Variants in MINDY3 observed in about 807,000 individuals in gnomAD.
MINDY3 encodes the protein MINDY lysine 48 deubiquitinase 3, also known as ubiquitin carboxyl-terminal hydrolase MINDY-3.
MINDY3 carries 38 observed loss-of-function variants against 69.2 expected under a neutral mutation model. That is an observed-to-expected ratio of 0.55 (90% CI 0.42 to 0.72). MINDY3 has a LOEUF of 0.72. MINDY3 is among the 30% of genes least tolerant of loss of function. The pLI, the probability that MINDY3 is intolerant of heterozygous loss-of-function variation, is 0.00. For missense variants in MINDY3, 522 were observed against 519.0 expected (o/e 1.01, Z -0.06); for synonymous variants, 192 against 180.1 (o/e 1.07, Z -0.53).
intron 10 of MINDY3, among the ~76,000 whole-genome samples, chr10:15,801,186 G>A (rs1838233801): frequency 6.6e-6 from 1 of 152,112 alleles, no homozygotes; most frequent in African/African-American, 2.4e-5. Flanking sequence ...GGCATGGGGG[G>A]GAAATGCCAT....
chr10:15,811,821 A>G (rs2131956769), intron 10 of MINDY3, among the ~76,000 whole-genome samples: 1 of 152,346 alleles, frequency 6.6e-6, no homozygotes, highest in East Asian at 1.9e-4. Flanking sequence ...TGTGTACAGA[A>G]CATATAAAAC....
intron 10 of MINDY3, among the ~76,000 whole-genome samples, chr10:15,798,467 T>TG (rs1376083717): frequency 8.6e-5 from 13 of 151,304 alleles, no homozygotes; most frequent in African/African-American, 2.4e-4. Flanking sequence ...GCCAAGTGTT[T>TG]TTTTTTTTTT....
chr10:15,843,043 A>G (rs1833590615), intron 3 of MINDY3, among the ~76,000 whole-genome samples, 169 bp downstream of exon 3: 1 of 151,962 alleles, frequency 6.6e-6, no homozygotes, highest in Admixed American at 6.6e-5. Context: ...CTGGTTAGAA[A>G]GCCAAATTTG....
At chr10:15,791,535 T>C (rs1837415001) in intron 11 of MINDY3, among the ~76,000 whole-genome samples, 1 of 151,854 alleles carries the variant, frequency 6.6e-6, no homozygotes, top group Non-Finnish European at 1.5e-5. Flanking sequence ...ATGGGGACTA[T>C]GAGGCAGGGC....
chr10:15,822,713 C>T (rs1206568777), intron 8 of MINDY3, among the ~76,000 whole-genome samples: 2 of 151,930 alleles, frequency 1.3e-5, no homozygotes, highest in Admixed American at 6.6e-5. Flanking sequence ...GGAAGTAAGG[C>T]TCAGGAATAC....
At chr10:15,821,588 C>T in intron 9 of MINDY3, 68 bp downstream of exon 9, 1 of 1,219,678 alleles carries the variant, frequency 8.2e-7, no homozygotes, top group Non-Finnish European at 1.2e-6. Context: ...GTCAGAGGAA[C>T]AAAACAGTAT....
At chr10:15,812,843 A>G (rs2131961402) in intron 10 of MINDY3, among the ~76,000 whole-genome samples, 1 of 152,306 alleles carries the variant, frequency 6.6e-6, no homozygotes, top group Non-Finnish European at 1.5e-5. Context: ...AGATCTAATC[A>G]TTAGCCACAC....
At chr10:15,837,008 T>C (rs1833129169) in intron 6 of MINDY3, among the ~76,000 whole-genome samples, 196 bp downstream of exon 6, 1 of 151,896 alleles carries the variant, frequency 6.6e-6, no homozygotes, top group Admixed American at 6.6e-5. Context: ...ATCTCTGTAG[T>C]CCAAAAGAGC....
intron 1 of MINDY3, among the ~76,000 whole-genome samples, chr10:15,849,864 A>G (rs1331142962): frequency 1.3e-5 from 2 of 152,168 alleles, no homozygotes; most frequent in Admixed American, 6.5e-5. Context: ...TGTCCTCCCA[A>G]AGTCCAGCTA....
chr10:15,780,041 A>C (rs375313366), intron 14 of MINDY3, among the ~76,000 whole-genome samples: 15 of 152,330 alleles, frequency 9.8e-5, no homozygotes, highest in African/African-American at 3.4e-4. Flanking sequence ...AAACAGATAC[A>C]GACGACTGTC....
intron 1 of MINDY3, among the ~76,000 whole-genome samples, chr10:15,855,436 G>T (rs1588665070): frequency 6.6e-6 from 1 of 151,840 alleles, no homozygotes; most frequent in African/African-American, 2.4e-5. Flanking sequence ...AGTTTTAAAA[G>T]GACTTAACTT....
At chr10:15,789,013 G>A in intron 12 of MINDY3, 1 of 364,926 alleles carries the variant, frequency 2.7e-6, no homozygotes, top group South Asian at 5.2e-5. Flanking sequence ...GACACTTTTA[G>A]CATTTTTTAA....
Position 15,860,379 on chromosome 10 carries a change from A to C in MINDY3, c.-80T>G, listed in dbSNP as rs1835014580. On this transcript the variant is annotated 5_prime_UTR_variant, in exon 1 of 15. Coordinates refer to ENST00000277632, the MANE Select transcript of MINDY3 (RefSeq NM_024948.4). Reference sequence around the variant, plus strand: ...GGGAAGGGGCAACTCCGGAAACAGCAGCTGCGGGACGGCGGCGGCAAACGA... The same window carrying C: ...GGGAAGGGGCAACTCCGGAAACAGCCGCTGCGGGACGGCGGCGGCAAACGA... 2 of 1,051,922 alleles carry C rather than the reference A, an allele frequency of 1.9e-6. No individual in the cohort carries two copies. Among genetic ancestry groups the C allele is most frequent in the Non-Finnish European group, 2.9e-6 (2 of 694,918 alleles). The allele number at this position is 1,051,922 out of a possible 1,614,324, so 65.2% of individuals were successfully genotyped here.
At chr10:15,858,048 G>T in intron 1 of MINDY3, 1 of 430,016 alleles carries the variant, frequency 2.3e-6, no homozygotes, top group Non-Finnish European at 3.1e-6. Flanking sequence ...AATCCCAAAG[G>T]ACTGCCACAG....
chr10:15,805,992 T>C (rs1188323864), intron 10 of MINDY3, among the ~76,000 whole-genome samples: 1 of 152,112 alleles, frequency 6.6e-6, no homozygotes, highest in African/African-American at 2.4e-5. Flanking sequence ...AAATTCCTTT[T>C]TGCCATCACC....
intron 8 of MINDY3, among the ~76,000 whole-genome samples, chr10:15,827,039 G>C (rs1488229724): frequency 6.6e-6 from 1 of 151,860 alleles, no homozygotes; most frequent in East Asian, 1.9e-4. Context: ...AGGACCACTG[G>C]AGCCCATTTA....
intron 6 of MINDY3, among the ~76,000 whole-genome samples, chr10:15,835,918 A>G (rs1009670727): frequency 1.3e-5 from 2 of 152,152 alleles, no homozygotes; most frequent in South Asian, 2.1e-4. Context: ...CTCTAGTCTT[A>G]TATTACAAAC....
At chr10:15,798,199 A>C (rs1361668524) in intron 10 of MINDY3, among the ~76,000 whole-genome samples, 1 of 152,178 alleles carries the variant, frequency 6.6e-6, no homozygotes, top group Admixed American at 6.5e-5. Flanking sequence ...ACAGAAGAAA[A>C]GGGAGTATCA....
At chr10:15,785,713 T>C (rs1437666433) in intron 13 of MINDY3, among the ~76,000 whole-genome samples, 1 of 152,204 alleles carries the variant, frequency 6.6e-6, no homozygotes, top group Non-Finnish European at 1.5e-5. Context: ...TACCTCTTTC[T>C]TAACAATTTT....
Sources: gnomAD v4.1 joint callset for allele counts (sites outside exome capture counted in the v4.1 genomes callset) on GRCh38, gnomAD v4.1.1 for gene constraint, MANE v1.5 for transcripts, NCBI Gene and HGNC (gene_info 2026-07-23, HGNC 2026-07-21) for gene names.